Variants in ADAM22 observed in about 807,000 individuals in gnomAD.
ADAM22 encodes the protein ADAM metallopeptidase domain 22.
ADAM22 carries 65 observed loss-of-function variants against 144.6 expected under a neutral mutation model. The observed-to-expected ratio is 0.45, with a 90% CI of 0.37 to 0.55. The LOEUF (loss-of-function observed/expected upper bound fraction) is 0.55. Ranked by LOEUF, ADAM22 falls within the 20% of genes least tolerant of loss-of-function variation. The probability of loss-of-function intolerance (pLI) is 0.00; values close to 1 mark genes in which losing one functional copy is unlikely to be tolerated. For missense variants in ADAM22, 974 were observed against 1,184.9 expected (o/e 0.82, Z 2.61); for synonymous variants, 391 against 412.6 (o/e 0.95, Z 0.63).
At position 87,989,566 on chromosome 7, in the gene ADAM22, A is replaced by G. The variant is rs572315423; in HGVS notation, c.323+11154A>G. 2.0e-5 allele frequency among the ~76,000 whole-genome samples: 3 copies of G among 152,292 alleles called. No homozygotes were observed. The East Asian group carries it at 5.8e-4, about 29-fold the overall frequency. ...GCCTGGTTAGTAGAAAACTAATTAC[A>G]TTTGTTTTTCTTTGCTACTATTATT... On this transcript the variant is annotated intron_variant, in intron 3 of 31. Coordinates refer to ENST00000413139, the MANE Select transcript of ADAM22 (RefSeq NM_001324418.2).
At chr7:88,101,690 A>G (rs1822975019) in intron 4 of ADAM22, among the ~76,000 whole-genome samples, 1 of 152,136 alleles carries the variant, frequency 6.6e-6, no homozygotes, top group Non-Finnish European at 1.5e-5. Context: ...CTTTTTTGGG[A>G]AACAAGAAAC....
intron 23 of ADAM22, among the ~76,000 whole-genome samples, chr7:88,163,972 G>A (rs1842370682): frequency 6.6e-6 from 1 of 152,020 alleles, no homozygotes; most frequent in South Asian, 2.1e-4. Flanking sequence ...TCCCTGTTTT[G>A]GAATTGTAAG....
intron 3 of ADAM22, among the ~76,000 whole-genome samples, chr7:88,062,287 G>C (rs1242757051): frequency 6.6e-6 from 1 of 152,148 alleles, no homozygotes; most frequent in Non-Finnish European, 1.5e-5. Flanking sequence ...GTCTTGTCTA[G>C]ATCTTCTAGA....
intron 30 of ADAM22, among the ~76,000 whole-genome samples, chr7:88,190,509 C>T (rs1341890042): frequency 6.6e-6 from 1 of 152,080 alleles, no homozygotes; most frequent in East Asian, 1.9e-4. Flanking sequence ...GCACTTCAGA[C>T]TGGGTGACAG....
intron 17 of ADAM22, among the ~76,000 whole-genome samples, chr7:88,148,467 G>T (rs984583609): frequency 1.3e-5 from 2 of 152,032 alleles, no homozygotes; most frequent in African/African-American, 2.4e-5. Flanking sequence ...AGAAACACTA[G>T]AAAATAATAA....
At chr7:88,083,725 C>T (rs1263717599) in intron 4 of ADAM22, among the ~76,000 whole-genome samples, 2 of 151,312 alleles carry the variant, frequency 1.3e-5, no homozygotes. Flanking sequence ...TTCATAATGA[C>T]TTAAAATCTG....
At chr7:88,044,227 T>C (rs1803916970) in intron 3 of ADAM22, among the ~76,000 whole-genome samples, 1 of 152,196 alleles carries the variant, frequency 6.6e-6, no homozygotes, top group South Asian at 2.1e-4. Flanking sequence ...AAGAAAGTGG[T>C]TTAAAATTAA....
intron 14 of ADAM22, among the ~76,000 whole-genome samples, chr7:88,138,301 A>G (rs1253635078): frequency 6.6e-6 from 1 of 152,222 alleles, no homozygotes. Flanking sequence ...CCTACATAGT[A>G]TATTTGATTA....
intron 3 of ADAM22, among the ~76,000 whole-genome samples, chr7:88,050,236 A>AG (rs1174241561): frequency 9.7e-4 from 146 of 150,520 alleles, no homozygotes; most frequent in Non-Finnish European, 1.7e-3. Flanking sequence ...AAAAAAAAAA[A>AG]AAAAAAAACC....
At chr7:87,952,870 G>A (rs1011886866) in intron 2 of ADAM22, among the ~76,000 whole-genome samples, 4 of 152,144 alleles carry the variant, frequency 2.6e-5, no homozygotes, top group Non-Finnish European at 5.9e-5. Flanking sequence ...TTTAGTCTTG[G>A]GAGGGTGTAT....
chr7:88,072,161 T>C (rs1813005157), intron 3 of ADAM22, among the ~76,000 whole-genome samples: 1 of 152,176 alleles, frequency 6.6e-6, no homozygotes, highest in Non-Finnish European at 1.5e-5. Flanking sequence ...AAAACCAAAT[T>C]GCATGAGCTG....
At chr7:88,157,063 G>A (rs1840178701) in intron 22 of ADAM22, among the ~76,000 whole-genome samples, 1 of 152,030 alleles carries the variant, frequency 6.6e-6, no homozygotes, top group African/African-American at 2.4e-5. Context: ...AAAAAATTTA[G>A]TAGTTGAAAT....
chr7:87,944,630 A>G (rs966803847), intron 2 of ADAM22, among the ~76,000 whole-genome samples: 3 of 152,122 alleles, frequency 2.0e-5, no homozygotes, highest in East Asian at 1.9e-4. Context: ...GGCTGTAGGT[A>G]AAAGGGTGGT....
chr7:88,015,108 A>G (rs552550921), intron 3 of ADAM22, among the ~76,000 whole-genome samples: 51 of 152,318 alleles, frequency 3.3e-4, no homozygotes, highest in African/African-American at 1.2e-3. Flanking sequence ...TAATAAAGAG[A>G]AAAAGAAATG....
chr7:88,039,464 A>AAAAAAAAAAAAAAAAATATATATAT, intron 3 of ADAM22, among the ~76,000 whole-genome samples: 35 of 76,372 alleles, frequency 4.6e-4, no homozygotes, highest in African/African-American at 1.5e-3. Flanking sequence ...AAAAAAAAAA[A>AAAAAAAAAAAAAAAAATATATATAT]ATATATATAT....
intron 22 of ADAM22, among the ~76,000 whole-genome samples, chr7:88,161,526 C>A (rs914966210): frequency 6.6e-6 from 1 of 152,026 alleles, no homozygotes; most frequent in Non-Finnish European, 1.5e-5. Flanking sequence ...ACAGAGTAAA[C>A]AGACAACCTA....
intron 3 of ADAM22, among the ~76,000 whole-genome samples, chr7:88,001,529 A>C (rs185527325): frequency 6.6e-6 from 1 of 152,254 alleles, no homozygotes; most frequent in Admixed American, 6.5e-5. Flanking sequence ...GGAATAAGTA[A>C]TTATCTCTTA....
At chr7:88,173,522 T>C (rs1844868473) in intron 26 of ADAM22, among the ~76,000 whole-genome samples, 1 of 152,064 alleles carries the variant, frequency 6.6e-6, no homozygotes, top group African/African-American at 2.4e-5. Flanking sequence ...AGTTTCCTTT[T>C]TGAGAATATA....
intron 25 of ADAM22, among the ~76,000 whole-genome samples, chr7:88,170,961 T>C (rs1391518610): frequency 6.6e-6 from 1 of 151,864 alleles, no homozygotes; most frequent in Non-Finnish European, 1.5e-5. Context: ...AACAAGTATT[T>C]CCAATGTGAA....
Sources: gnomAD v4.1 joint callset for allele counts (sites outside exome capture counted in the v4.1 genomes callset) on GRCh38, gnomAD v4.1.1 for gene constraint, MANE v1.5 for transcripts, NCBI Gene and HGNC (gene_info 2026-07-23, HGNC 2026-07-21) for gene names.